SON: variants seen among roughly 807,000 people sequenced by gnomAD.
SON encodes the protein protein SON.
A neutral mutation model predicts 173.3 loss-of-function variants in SON; 4 were observed. That is an observed-to-expected ratio of 0.02 (90% CI 0.01 to 0.05). The LOEUF is 0.05. Among genes scored for constraint, SON ranks in the 10% least tolerant of loss-of-function variants. The probability of loss-of-function intolerance (pLI) is 1.00; values close to 1 mark genes in which losing one functional copy is unlikely to be tolerated. For missense variants in SON, 2,626 were observed against 3,055.3 expected, an observed-to-expected ratio of 0.86 and a Z score of 3.31; for synonymous variants, 1,190 against 1,105.9, an observed-to-expected ratio of 1.08 and a Z score of -1.51.
Position 33,554,306 on chromosome 21 carries a change from T to C in SON, c.5075T>C (p.Leu1692Ser). 1 of 1,614,094 alleles carries C rather than the reference T, an allele frequency of 6.2e-7. No homozygotes were observed. The highest frequency in any genetic ancestry group is 1.1e-5 in the South Asian group (1 of 91,080). ...PLPVKESDQTLAALLSPKESS... is the reference protein window; with the variant it reads ...PLPVKESDQTSAALLSPKESS... ...CCTGTAAAAGAGAGTGACCAGACATTAGCAGCTCTGCTCAGCCCTAAAGAA... is the reference window on the plus strand; with the variant it reads ...CCTGTAAAAGAGAGTGACCAGACATCAGCAGCTCTGCTCAGCCCTAAAGAA... The change falls in exon 3 of 12, where the codon TTA becomes TCA. Residue 1692 changes from leucine (L) to serine (S), a missense_variant. Transcript: ENST00000356577.
chr21:33,544,286 C>G (rs571562323), intron 1 of SON, among the ~76,000 whole-genome samples: 2 of 152,332 alleles, frequency 1.3e-5, no homozygotes, highest in South Asian at 4.1e-4. Context: ...AATAGATCCA[C>G]TCACATTGCT....
chr21:33,559,532 C>T lies in SON; in HGVS notation c.6469-55C>T, dbSNP rs1006396937. The stretch of plus-strand genomic sequence containing the variant: ...TTCAGATTATGTAGAAAATCTCAAA[C>T]CATTTAATGTAGATATCATATTGAG... On this transcript the variant is annotated intron_variant, in intron 5 of 11. Coordinates refer to ENST00000356577, the MANE Select transcript of SON (RefSeq NM_138927.4). The surrounding 1 kb of genome is among the most constrained non-coding windows in gnomAD (Gnocchi z 4.1). 7 of 1,513,238 alleles carry T rather than the reference C, an allele frequency of 4.6e-6. No individual in the cohort carries two copies. In the African/African-American group the frequency reaches 9.8e-5, roughly 21 times the overall value. 93.7% of individuals were successfully genotyped at this position (1,513,238 alleles called of 1,614,324 possible).
chr21:33,555,714 C>T (rs1453573635), intron 3 of SON, among the ~76,000 whole-genome samples: 2 of 152,122 alleles, frequency 1.3e-5, no homozygotes, highest in Non-Finnish European at 2.9e-5. Flanking sequence ...TAAAAACAAG[C>T]TAAGTATATG....
chr21:33,573,527 C>A, intron 9 of SON, 72 bp downstream of exon 9: 1 of 1,361,152 alleles, frequency 7.3e-7, no homozygotes, highest in Non-Finnish European at 1.0e-6. Context: ...CTTTTGAACC[C>A]AGTGATACTG....
At chr21:33,561,621 TGAGA>T (rs967125426) in intron 6 of SON, among the ~76,000 whole-genome samples, 33 of 152,060 alleles carry the variant, frequency 2.2e-4, no homozygotes, top group South Asian at 1.2e-3. Context: ...TACACTTTTT[TGAGA>T]GAGAGAGAGT....
intron 6 of SON, among the ~76,000 whole-genome samples, chr21:33,563,294 A>G (rs1187615938): frequency 6.6e-6 from 1 of 152,192 alleles, no homozygotes; most frequent in East Asian, 1.9e-4. Flanking sequence ...GTATGATACA[A>G]TAAAAAGATT....
At chr21:33,560,326 T>G in intron 6 of SON, 1 of 1,347,718 alleles carries the variant, frequency 7.4e-7, no homozygotes, top group Non-Finnish European at 9.5e-7. Context: ...TTTCCTTCCC[T>G]TTGCTACCTT....
intron 1 of SON, among the ~76,000 whole-genome samples, chr21:33,545,710 G>C (rs1177127771): frequency 6.6e-6 from 1 of 152,204 alleles, no homozygotes; most frequent in Non-Finnish European, 1.5e-5. Context: ...AGCAATGTAA[G>C]CCTGGACAGA....
intron 6 of SON, among the ~76,000 whole-genome samples, chr21:33,562,814 G>C (rs915967382): frequency 2.3e-4 from 35 of 152,126 alleles, no homozygotes. Context: ...AGTTAGTAGA[G>C]GTTTATTGAG....
Position 33,554,063 on chromosome 21 carries a change from G to A in SON, c.4832G>A (p.Gly1611Asp). Residue 1611 changes from glycine (G) to aspartate (D), a missense_variant, in exon 3 of 12, where the codon GGT (glycine) becomes GAT (aspartate). Gly to Asp is a moderately conservative substitution (Grantham distance 94). This residue lies in a region of SON where 1,006 missense variants were observed against 895.6 expected (regional missense o/e 1.12). Transcript: ENST00000356577. ...LEPDATGTSK[G>D]IEFTTASTLS... ...CCTGATGCAACAGGAACTAGTAAGG[G>A]TATTGAATTTACCACAGCATCTACT... 1.2e-6 allele frequency: 2 copies of A among 1,614,090 alleles called. No individual in the cohort carries two copies. The highest frequency in any genetic ancestry group is 1.7e-6 in the Non-Finnish European group (2 of 1,180,002).
chr21:33,550,468 G>C lies in SON; in HGVS notation c.1237G>C (p.Val413Leu), dbSNP rs780067115. The change falls in exon 3 of 12, where the codon GTG becomes CTG. Residue 413 changes from valine (V) to leucine (L), a missense_variant. This residue lies in a region of SON where 757 missense variants were observed against 730.1 expected (regional missense o/e 1.04). Transcript: ENST00000356577. ...LELPGPSATP[V>L]PELPGPLSTP... The stretch of plus-strand genomic sequence containing the variant: ...GTTACCTGGGCCCTCTGCTACCCCG[G>C]TGCCAGAGTTGCCAGGGCCCCTTTC... 3 of 1,613,870 alleles carry C rather than the reference G, an allele frequency of 1.9e-6. No homozygotes were observed. Among genetic ancestry groups the C allele is most frequent in the Non-Finnish European group, 2.5e-6 (3 of 1,179,996 alleles).
rs1213144874 is a variant in SON, at chr21:33,555,292, A to G, written c.6061A>G (p.Arg2021Gly). The G allele has an allele frequency of 1.9e-6, 3 of 1,611,768 alleles. No homozygotes were observed. The highest frequency in any genetic ancestry group is 2.5e-6 in the Non-Finnish European group (3 of 1,179,142). Residue 2021 changes from arginine (R) to glycine (G), a missense_variant, in exon 3 of 12, where the codon AGA (arginine) becomes GGA (glycine). By Grantham distance (125) the Arg-to-Gly change is moderately radical. Transcript: ENST00000356577. Reference sequence around the variant, plus strand: ...CTCACCAGTCAGATTAAGGCGATCAAGAACACCCTTAAGAAGAAGGTTTAG... The same window carrying G: ...CTCACCAGTCAGATTAAGGCGATCAGGAACACCCTTAAGAAGAAGGTTTAG... ...SISPVRLRRS[R>G]TPLRRRFSRS... is the part of the protein sequence containing the mutation.
At position 33,552,532 on chromosome 21, in the gene SON, C is replaced by T; in HGVS notation, c.3301C>T (p.Arg1101Trp). ...GATGTCGTCATACTCTGCTGCTGAC[C>T]GGTCTATGATGTCATCGTACTCTGC... ...SMMSSYSAAD[R>W]SMMSSYSAAD... The change falls in exon 3 of 12, where the codon CGG becomes TGG. Residue 1101 changes from arginine (R) to tryptophan (W), a missense_variant. Physicochemically the swap from Arg to Trp is moderately radical, Grantham distance 101. This residue lies in a region of SON where 366 missense variants were observed against 448.6 expected (regional missense o/e 0.82). Coordinates refer to ENST00000356577, the MANE Select transcript of SON (RefSeq NM_138927.4). This position sits in a 1 kb window ranked among gnomAD's most constrained non-coding sequence, Gnocchi z 5.6. The T allele has an allele frequency of 1.9e-6, 3 of 1,614,036 alleles. No individual in the cohort carries two copies. Among genetic ancestry groups the T allele is most frequent in the Admixed American group, 1.7e-5 (1 of 59,998 alleles).
At chr21:33,572,566 G>C in intron 8 of SON, 1 of 1,304,190 alleles carries the variant, frequency 7.7e-7, no homozygotes. Flanking sequence ...AATCCTTGTA[G>C]CTGTCTTCTT....
chr21:33,566,075 A>G (rs2086165520), intron 6 of SON, among the ~76,000 whole-genome samples: 1 of 152,160 alleles, frequency 6.6e-6, no homozygotes, highest in Non-Finnish European at 1.5e-5. Flanking sequence ...TCTACTTGTA[A>G]AAAAGAAAAT....
At position 33,555,179 on chromosome 21, in the gene SON, G is replaced by A. The variant is rs957638683; in HGVS notation, c.5948G>A (p.Arg1983His). The A allele has an allele frequency of 3.2e-5, 50 of 1,551,606 alleles. No individual in the cohort carries two copies. In the Admixed American group the frequency reaches 6.4e-4, roughly 20 times the overall value. Residue 1983 changes from arginine to histidine, a missense_variant, in exon 3 of 12, where the codon CGC (arginine) becomes CAC (histidine). Coordinates refer to ENST00000356577, the MANE Select transcript of SON (RefSeq NM_138927.4). ...TPSRRSRTPS[R>H]RSRTPSRRSR... ...AGCCGCCGCAGCCGCACCCCCAGCC[G>A]CCGGAGCCGCACCCCTAGCCGTCGG...
At chr21:33,572,569 G>A in intron 8 of SON, 1 of 1,304,150 alleles carries the variant, frequency 7.7e-7, no homozygotes, top group Non-Finnish European at 1.0e-6. Context: ...CCTTGTAGCT[G>A]TCTTCTTGCC....
chr21:33,569,558 C>A, intron 8 of SON: 2 of 421,398 alleles, frequency 4.7e-6, no homozygotes, highest in Non-Finnish European at 9.8e-6. Flanking sequence ...TGCCCTCGCA[C>A]CCCACCCGCT....
In SON at chr21:33,554,045, C is replaced by G. The variant is rs753739238; in HGVS notation, c.4814C>G (p.Ala1605Gly). 1.9e-6 allele frequency: 3 copies of G among 1,614,056 alleles called. No homozygotes were observed. The Middle Eastern group carries it at 5.0e-4, about 266-fold the overall frequency. ...STGPFALEPDATGTSKGIEFT... is the reference protein window; with the variant it reads ...STGPFALEPDGTGTSKGIEFT... ...GGTCCTTTTGCTCTGGAACCTGATG[C>G]AACAGGAACTAGTAAGGGTATTGAA... Residue 1605 changes from alanine to glycine, a missense_variant, in exon 3 of 12, where the codon GCA becomes GGA. By Grantham distance (60) the Ala-to-Gly change is moderately conservative. Transcript: ENST00000356577.
Sources: allele counts gnomAD v4.1 joint callset (sites outside exome capture counted in the v4.1 genomes callset), GRCh38; gene constraint gnomAD v4.1.1; regional missense constraint gnomAD v4.1.1; non-coding constraint Gnocchi (gnomAD v3.1); transcripts MANE v1.5; gene names NCBI Gene and HGNC (gene_info 2026-07-23, HGNC 2026-07-21).